MRPS9: variants seen among roughly 807,000 people sequenced by gnomAD.
The protein encoded by MRPS9 is small ribosomal subunit protein uS9m.
Under a neutral mutation model 59.9 loss-of-function variants are expected in MRPS9, and 45 were observed. The observed-to-expected ratio is 0.75, with a 90% CI of 0.59 to 0.96. The LOEUF (loss-of-function observed/expected upper bound fraction) is 0.96. Ranked by LOEUF, MRPS9 falls within the 40% of genes least tolerant of loss-of-function variation. The probability of loss-of-function intolerance (pLI) is 0.00; values close to 1 mark genes in which losing one functional copy is unlikely to be tolerated. For missense variants in MRPS9, 473 were observed against 481.1 expected (o/e 0.98, Z 0.16); for synonymous variants, 171 against 166.8 (o/e 1.03, Z -0.19).
chr2:105,059,888 A>T (rs1474536070), intron 2 of MRPS9, among the ~76,000 whole-genome samples: 1 of 152,054 alleles, frequency 6.6e-6, no homozygotes, highest in Non-Finnish European at 1.5e-5. Context: ...ATTAACAGAG[A>T]GTCTTTTCCT....
chr2:105,055,493 C>T lies in MRPS9; in HGVS notation c.315+6143C>T, dbSNP rs11677401. On this transcript the variant is annotated intron_variant, in intron 2 of 10. Coordinates refer to ENST00000258455, the MANE Select transcript of MRPS9 (RefSeq NM_182640.3). ...AAATATAGCGGGCCCCTTTTGGTAT[C>T]GCATTTTATTAAATATAGCGGGCCC... is the stretch of plus-strand genomic sequence containing the variant. Among the ~76,000 whole-genome samples, 143 of 16,610 alleles carry T rather than the reference C, an allele frequency of 8.6e-3. 17 individuals are homozygous for T. The highest frequency in any genetic ancestry group is 0.031 in the Middle Eastern group (2 of 64). 10.9% of individuals were successfully genotyped at this position (16,610 alleles called of 152,430 possible).
chr2:105,056,022 C>T (rs180727354), intron 2 of MRPS9, among the ~76,000 whole-genome samples: 33 of 152,188 alleles, frequency 2.2e-4, no homozygotes, highest in Admixed American at 3.3e-4. Flanking sequence ...GTTAGATATT[C>T]CACAAAAGTG....
rs774175403 is a variant in MRPS9 at position 105,097,295 on chromosome 2, C to T, written c.1070C>T (p.Thr357Ile). ...AMAKALCSFV[T>I]EDEVEWMRQA... ...GCAAAAGCCTTGTGCAGCTTTGTCA[C>T]CGAGGACGAGGTCGAGTGGATGAGA... Residue 357 changes from threonine (T) to isoleucine (I), a missense_variant, in exon 10 of 11, where the codon ACC (threonine) becomes ATC (isoleucine). Coordinates refer to ENST00000258455, the MANE Select transcript of MRPS9 (RefSeq NM_182640.3). The T allele has an allele frequency of 6.2e-7, 1 of 1,610,136 alleles. No individual in the cohort carries two copies. The highest frequency in any genetic ancestry group is 8.5e-7 in the Non-Finnish European group (1 of 1,178,336).
chr2:105,094,634 C>T (rs535934354), intron 9 of MRPS9, among the ~76,000 whole-genome samples: 1 of 152,250 alleles, frequency 6.6e-6, no homozygotes, highest in South Asian at 2.1e-4. Flanking sequence ...TTTGTGTGTG[C>T]CTGTGTCAAC....
At chr2:105,060,324 C>T (rs1311192910) in intron 2 of MRPS9, among the ~76,000 whole-genome samples, 1 of 152,114 alleles carries the variant, frequency 6.6e-6, no homozygotes, top group Non-Finnish European at 1.5e-5. Context: ...CTCTGTTGCC[C>T]AGGCTGGAGT....
chr2:105,045,810 C>T (rs558084907), intron 1 of MRPS9, among the ~76,000 whole-genome samples: 1 of 152,134 alleles, frequency 6.6e-6, no homozygotes, highest in East Asian at 1.9e-4. Context: ...AATTATTCTC[C>T]TGGCTCACTA....
At chr2:105,089,214 A>T (rs1279823533) in intron 6 of MRPS9, 145 bp downstream of exon 6, 12 of 542,550 alleles carry the variant, frequency 2.2e-5, no homozygotes. Flanking sequence ...AAAATAATAG[A>T]TAGTTTTTGT....
chr2:105,063,712 C>T (rs1160616670), intron 2 of MRPS9, among the ~76,000 whole-genome samples: 1 of 152,186 alleles, frequency 6.6e-6, no homozygotes, highest in African/African-American at 2.4e-5. Flanking sequence ...TGAATATAGT[C>T]TATAGCAGGA....
At chr2:105,071,219 G>A (rs1680104739) in intron 2 of MRPS9, 94 bp from the exon 3 acceptor site, 1 of 930,178 alleles carries the variant, frequency 1.1e-6, no homozygotes, top group Non-Finnish European at 1.7e-6. Context: ...TGAAACTCTA[G>A]TTCAATGTCC....
intron 5 of MRPS9, among the ~76,000 whole-genome samples, chr2:105,080,806 A>G (rs1425683372): frequency 6.6e-6 from 1 of 152,210 alleles, no homozygotes; most frequent in African/African-American, 2.4e-5. Flanking sequence ...GGCTTGAATC[A>G]GTGCACACAT....
chr2:105,092,274 A>C lies in MRPS9; in HGVS notation c.652-127A>C, dbSNP rs906717595. The C allele has an allele frequency of 2.6e-5, 19 of 739,548 alleles. No individual in the cohort carries two copies. The African/African-American group carries it at 3.4e-4, about 13-fold the overall frequency. 45.8% of individuals were successfully genotyped at this position (739,548 alleles called of 1,614,324 possible). ...TGTTTTAAAAGCAGCGTGAAGATGC[A>C]GAAGTGTCATCCTGTCAAAATTCAT... is the stretch of plus-strand genomic sequence containing the variant. On this transcript the variant is annotated intron_variant, in intron 7 of 10. Coordinates refer to ENST00000258455, the MANE Select transcript of MRPS9 (RefSeq NM_182640.3).
intron 1 of MRPS9, among the ~76,000 whole-genome samples, chr2:105,038,917 A>T (rs2104434343): frequency 6.6e-6 from 1 of 152,334 alleles, no homozygotes; most frequent in South Asian, 2.1e-4. Context: ...GTCTACGGAT[A>T]GTCAAGTGTA....
At chr2:105,088,936 ACCATTGCT>A (rs1558762438) in intron 5 of MRPS9, 40 bp from the exon 6 acceptor site, 3 of 1,283,136 alleles carry the variant, frequency 2.3e-6, no homozygotes, top group Non-Finnish European at 3.3e-6. Flanking sequence ...GTTATAATGT[ACCATTGCT>A]CTTATTTTTA....
chr2:105,052,455 C>T (rs943524148), intron 2 of MRPS9, among the ~76,000 whole-genome samples: 2 of 152,132 alleles, frequency 1.3e-5, no homozygotes, highest in Non-Finnish European at 2.9e-5. Context: ...GTATGTTAAA[C>T]CAACCTTGTG....
chr2:105,056,598 C>A (rs1297571193), intron 2 of MRPS9, among the ~76,000 whole-genome samples: 4 of 152,128 alleles, frequency 2.6e-5, no homozygotes, highest in African/African-American at 9.7e-5. Flanking sequence ...CCTACGTGCC[C>A]CTCCTAGTAA....
chr2:105,043,379 T>C (rs1679535339), intron 1 of MRPS9, among the ~76,000 whole-genome samples: 1 of 152,184 alleles, frequency 6.6e-6, no homozygotes, highest in African/African-American at 2.4e-5. Flanking sequence ...GAATTAGTTC[T>C]TTTTCGCTGG....
chr2:105,074,033 A>T (rs541145827), intron 4 of MRPS9, among the ~76,000 whole-genome samples: 1 of 152,206 alleles, frequency 6.6e-6, no homozygotes, highest in Non-Finnish European at 1.5e-5. Context: ...AAATCATATC[A>T]TTCGATTTTT....
chr2:105,081,670 G>A (rs1241537165), intron 5 of MRPS9, among the ~76,000 whole-genome samples: 1 of 152,198 alleles, frequency 6.6e-6, no homozygotes, highest in African/African-American at 2.4e-5. Context: ...TCAAGAAACT[G>A]ATCAGTTTCT....
chr2:105,091,648 A>G (rs1345699517), intron 7 of MRPS9, among the ~76,000 whole-genome samples: 1 of 152,202 alleles, frequency 6.6e-6, no homozygotes, highest in Non-Finnish European at 1.5e-5. Flanking sequence ...GTTATAAAAA[A>G]CTGAGTTTCA....
Sources: allele counts gnomAD v4.1 joint callset (sites outside exome capture counted in the v4.1 genomes callset), GRCh38; gene constraint gnomAD v4.1.1; transcripts MANE v1.5; gene names NCBI Gene and HGNC (gene_info 2026-07-23, HGNC 2026-07-21).